MAPK10: variants seen among roughly 807,000 people sequenced by gnomAD.
The protein encoded by MAPK10 is JNK3 alpha protein kinase.
A neutral mutation model predicts 59.3 loss-of-function variants in MAPK10; 25 were observed. That is an observed-to-expected ratio of 0.42 (90% CI 0.31 to 0.59). MAPK10 has a LOEUF of 0.59. Among genes scored for constraint, MAPK10 ranks in the 20% least tolerant of loss-of-function variants. The pLI, the probability that MAPK10 is intolerant of heterozygous loss-of-function variation, is 0.15. For synonymous variants in MAPK10, 190 were observed against 200.5 expected, an observed-to-expected ratio of 0.95 and a Z score of 0.44; for missense variants, 351 against 568.9, an observed-to-expected ratio of 0.62 and a Z score of 3.90.
At chr4:86,356,352 A>C in intron 1 of MAPK10, 2 of 168,066 alleles carry the variant, frequency 1.2e-5, no homozygotes, top group Non-Finnish European at 2.4e-5. Context: ...GTGGCTTGAT[A>C]TGGATCCAAA....
intron 1 of MAPK10, among the ~76,000 whole-genome samples, chr4:86,369,918 A>G (rs1463436250): frequency 6.6e-6 from 1 of 152,212 alleles, no homozygotes; most frequent in Admixed American, 6.5e-5. Context: ...AATAGGGATA[A>G]TAATATTCAC....
chr4:86,094,848 G>T (rs2053933263), intron 9 of MAPK10, among the ~76,000 whole-genome samples: 1 of 151,664 alleles, frequency 6.6e-6, no homozygotes, highest in African/African-American at 2.4e-5. Flanking sequence ...AATGGACTTG[G>T]CCTATTTACT....
chr4:86,579,256 T>C (rs956371709), intron 1 of MAPK10, among the ~76,000 whole-genome samples: 1 of 152,220 alleles, frequency 6.6e-6, no homozygotes, highest in Non-Finnish European at 1.5e-5. Context: ...TATCTCTGTT[T>C]CCTTACCCAC....
intron 4 of MAPK10, among the ~76,000 whole-genome samples, chr4:86,145,048 T>G (rs2064568854): frequency 6.6e-6 from 1 of 152,084 alleles, no homozygotes; most frequent in Non-Finnish European, 1.5e-5. Flanking sequence ...ACCAATTAGT[T>G]TTATCCTCCT....
Position 86,355,330 on chromosome 4 carries a change from G to A in MAPK10, c.-121-686C>T, listed in dbSNP as rs369603228. On this transcript the variant is annotated intron_variant, in intron 1 of 13. Transcript: ENST00000641462. ...TACCCCAAGTAAGAGTTTCTTTCCT[G>A]CCCAGGTGCTCACAATTACTCCTAG... is the stretch of plus-strand genomic sequence containing the variant. Among the ~76,000 whole-genome samples, 433 of 151,882 alleles carry A rather than the reference G, an allele frequency of 2.9e-3. 3 individuals are homozygous for A. Among genetic ancestry groups the A allele is most frequent in the African/African-American group, 9.8e-3 (405 of 41,428 alleles).
chr4:86,375,649 AG>A (rs1447775821), intron 1 of MAPK10, among the ~76,000 whole-genome samples: 1 of 144,796 alleles, frequency 6.9e-6, no homozygotes, highest in Non-Finnish European at 1.5e-5. Flanking sequence ...CAGGAGGTCA[AG>A]GCTGCAGTGA....
intron 1 of MAPK10, among the ~76,000 whole-genome samples, chr4:86,355,686 A>G (rs1200484215): frequency 6.6e-6 from 1 of 152,118 alleles, no homozygotes; most frequent in African/African-American, 2.4e-5. Context: ...CAAACAGAAA[A>G]AGTCAGTCCC....
intron 11 of MAPK10, among the ~76,000 whole-genome samples, chr4:86,051,812 A>G (rs2043590260): frequency 6.6e-6 from 1 of 152,168 alleles, no homozygotes; most frequent in South Asian, 2.1e-4. Flanking sequence ...TTTTTGTTGC[A>G]ATGCACAACA....
intron 1 of MAPK10, among the ~76,000 whole-genome samples, chr4:86,469,409 A>T (rs1208488004): frequency 2.0e-5 from 3 of 152,230 alleles, no homozygotes; most frequent in Non-Finnish European, 4.4e-5. Flanking sequence ...CCCAGACATT[A>T]TCTGTATGCA....
intron 1 of MAPK10, among the ~76,000 whole-genome samples, chr4:86,407,584 CT>C (rs1183959331): frequency 2.6e-5 from 4 of 152,174 alleles, no homozygotes; most frequent in Non-Finnish European, 4.4e-5. Context: ...GTTCATCTGT[CT>C]GTCTTCCCTA....
intron 2 of MAPK10, among the ~76,000 whole-genome samples, chr4:86,257,289 C>G (rs139217875): frequency 6.6e-6 from 1 of 152,172 alleles, no homozygotes; most frequent in Non-Finnish European, 1.5e-5. Flanking sequence ...AAGGTACCAG[C>G]TTAGGTTAGG....
intron 2 of MAPK10, among the ~76,000 whole-genome samples, chr4:86,197,149 C>T (rs2081509833): frequency 6.6e-6 from 1 of 152,138 alleles, no homozygotes. Flanking sequence ...TTACTTTGGG[C>T]AGTATGGCCA....
chr4:86,563,945 C>T (rs1760873041), intron 1 of MAPK10, among the ~76,000 whole-genome samples: 2 of 152,196 alleles, frequency 1.3e-5, no homozygotes, highest in African/African-American at 4.8e-5. Flanking sequence ...GATTCTCCTG[C>T]CTCAGCCTCC....
In MAPK10 at chr4:86,098,567, C is replaced by T; in HGVS notation, c.759G>A (p.Met253Ile). Residue 253 changes from methionine to isoleucine, a missense_variant, in exon 9 of 14, where the codon ATG becomes ATA. Transcript: ENST00000641462. ...NVDIWSVGCI[M>I]GEMVRHKILF... ...GGATTTTGTGGCGAACCATTTCTCC[C>T]ATAATGCATCCCACAGACCATATAT... 6.2e-7 allele frequency: 1 copy of T among 1,613,292 alleles called. No homozygotes were observed. Among genetic ancestry groups the T allele is most frequent in the Non-Finnish European group, 8.5e-7 (1 of 1,179,330 alleles).
intron 2 of MAPK10, among the ~76,000 whole-genome samples, chr4:86,318,213 T>C (rs532093750): frequency 2.6e-5 from 4 of 152,140 alleles, no homozygotes; most frequent in Non-Finnish European, 5.9e-5. Context: ...GGGACAGTAT[T>C]CCATTTTATA....
intron 1 of MAPK10, among the ~76,000 whole-genome samples, chr4:86,536,863 T>A (rs1758280732): frequency 6.6e-6 from 1 of 152,202 alleles, no homozygotes; most frequent in Non-Finnish European, 1.5e-5. Context: ...TCTCTTTCCT[T>A]CTTTTCCAGA....
intron 4 of MAPK10, among the ~76,000 whole-genome samples, chr4:86,147,499 A>G (rs558909966): frequency 3.3e-5 from 5 of 152,312 alleles, no homozygotes; most frequent in Admixed American, 2.0e-4. Flanking sequence ...TACTGAGTTT[A>G]GCTATATCAA....
chr4:86,296,081 C>G (rs969822897), intron 2 of MAPK10, among the ~76,000 whole-genome samples: 7 of 150,008 alleles, frequency 4.7e-5, no homozygotes, highest in Non-Finnish European at 7.4e-5. Flanking sequence ...GAGGCTGAGG[C>G]AGGAGAATCG....
At chr4:86,064,730 C>A in intron 10 of MAPK10, 1 of 218,510 alleles carries the variant, frequency 4.6e-6, no homozygotes, top group East Asian at 1.2e-4. Context: ...GAATAAAGAG[C>A]ACAGAGTGCA....
Sources: allele counts gnomAD v4.1 joint callset (sites outside exome capture counted in the v4.1 genomes callset), GRCh38; gene constraint gnomAD v4.1.1; transcripts MANE v1.5; gene names NCBI Gene and HGNC (gene_info 2026-07-23, HGNC 2026-07-21).